Variants in CIP2A observed in about 807,000 individuals in gnomAD.
The protein encoded by CIP2A is cellular inhibitor of PP2A, also known as protein CIP2A.
Under a neutral mutation model 110.9 loss-of-function variants are expected in CIP2A, and 103 were observed. That is an observed-to-expected ratio of 0.93 (90% confidence interval 0.79 to 1.09). The LOEUF is 1.09. CIP2A is among the 50% of genes least tolerant of loss of function. CIP2A has a pLI of 0.00. For synonymous variants in CIP2A, 381 were observed against 361.6 expected (o/e 1.05, Z -0.61); for missense variants, 1,088 against 1,038.4 (o/e 1.05, Z -0.66).
intron 5 of CIP2A, among the ~76,000 whole-genome samples, chr3:108,581,092 T>A (rs927575283): frequency 6.6e-6 from 1 of 152,256 alleles, no homozygotes; most frequent in South Asian, 2.1e-4. Flanking sequence ...GCCAGTGATG[T>A]GCCTCCCTTC....
intron 7 of CIP2A, 109 bp from the exon 8 acceptor site, chr3:108,576,455 ATTTAT>A (rs981498694): frequency 1.7e-6 from 1 of 575,242 alleles, no homozygotes; most frequent in African/African-American, 2.0e-5. Context: ...TCTTTCATCT[ATTTAT>A]TTGGGCTTCT....
At chr3:108,574,363 G>GA (rs1489560676) in intron 8 of CIP2A, among the ~76,000 whole-genome samples, 10 of 152,298 alleles carry the variant, frequency 6.6e-5, no homozygotes, top group Non-Finnish European at 1.5e-4. Context: ...CTGCTGGCAA[G>GA]AATGCAGACT....
intron 4 of CIP2A, 129 bp from the exon 5 acceptor site, chr3:108,581,640 A>T (rs1262364549): frequency 3.3e-6 from 2 of 607,890 alleles, no homozygotes; most frequent in Non-Finnish European, 5.7e-6. Context: ...GCAAAAAAAA[A>T]AACTAATTAA....
intron 9 of CIP2A, 112 bp downstream of exon 9, chr3:108,569,277 G>C: frequency 1.3e-6 from 1 of 757,682 alleles, no homozygotes; most frequent in Non-Finnish European, 2.2e-6. Context: ...TAGTAATTGA[G>C]ATGTTTTCCT....
chr3:108,559,392 C>T (rs1937921497), intron 16 of CIP2A, among the ~76,000 whole-genome samples: 1 of 152,042 alleles, frequency 6.6e-6, no homozygotes, highest in Non-Finnish European at 1.5e-5. Flanking sequence ...GCAACATAGG[C>T]ACATAGTGCT....
chr3:108,582,253 C>G, intron 3 of CIP2A, 51 bp from the exon 4 acceptor site: 1 of 777,610 alleles, frequency 1.3e-6, no homozygotes, highest in Admixed American at 2.5e-5. Context: ...ACATTGCCTG[C>G]TTAAAATAAT....
At chr3:108,556,681 G>C (rs1315111340) in intron 17 of CIP2A, among the ~76,000 whole-genome samples, 1 of 152,070 alleles carries the variant, frequency 6.6e-6, no homozygotes, top group African/African-American at 2.4e-5. Flanking sequence ...TTATTCTACA[G>C]ATGTAATCAC....
chr3:108,572,310 G>A (rs1938428340), intron 8 of CIP2A, among the ~76,000 whole-genome samples: 2 of 151,880 alleles, frequency 1.3e-5, no homozygotes, highest in African/African-American at 2.4e-5. Flanking sequence ...TTTCTAAAAC[G>A]TTCCTTATTT....
At chr3:108,559,063 T>C (rs889263167) in intron 16 of CIP2A, among the ~76,000 whole-genome samples, 1 of 152,040 alleles carries the variant, frequency 6.6e-6, no homozygotes, top group Non-Finnish European at 1.5e-5. Flanking sequence ...CTGTAGAGTA[T>C]CTGAGAAGAG....
intron 8 of CIP2A, among the ~76,000 whole-genome samples, chr3:108,572,794 T>A (rs2688260): frequency 2.6e-5 from 4 of 152,046 alleles, no homozygotes; most frequent in African/African-American, 7.2e-5. Flanking sequence ...AATCTCTATA[T>A]CTTTTTAATT....
At chr3:108,581,628 ACGC>A in intron 4 of CIP2A, 117 bp from the exon 5 acceptor site, 2 of 621,588 alleles carry the variant, frequency 3.2e-6, no homozygotes, top group African/African-American at 1.8e-5. Flanking sequence ...TCCCTTTTAC[ACGC>A]AAAAAAAAAA....
chr3:108,558,411 T>C (rs1347207634), intron 16 of CIP2A, among the ~76,000 whole-genome samples: 1 of 152,136 alleles, frequency 6.6e-6, no homozygotes, highest in East Asian at 1.9e-4. Context: ...AGATTCCATT[T>C]GTATCTGCTG....
chr3:108,566,569 A>C lies in CIP2A; in HGVS notation c.1343T>G (p.Leu448Arg), dbSNP rs1938190653. 2 of 1,607,584 alleles carry C rather than the reference A, an allele frequency of 1.2e-6. No individual in the cohort carries two copies. Among genetic ancestry groups the C allele is most frequent in the Non-Finnish European group, 1.7e-6 (2 of 1,176,528 alleles). ...GCCATATGTAAATTGTTGTTCTATA[A>C]GAGTGGTACACTTGACAGTTGTCAA... is the stretch of plus-strand genomic sequence containing the variant. The part of the protein sequence containing the change: ...KILTTVKCTT[L>R]IEQQFTYGKI... Residue 448 changes from leucine (L) to arginine (R), a missense_variant, in exon 11 of 21, where the codon CTT (leucine) becomes CGT (arginine). Leu to Arg is a moderately radical substitution (Grantham distance 102, BLOSUM62 -2). Coordinates refer to ENST00000295746, the MANE Select transcript of CIP2A (RefSeq NM_020890.3).
chr3:108,558,293 C>T (rs1937881897), intron 16 of CIP2A, among the ~76,000 whole-genome samples: 1 of 151,996 alleles, frequency 6.6e-6, no homozygotes, highest in Non-Finnish European at 1.5e-5. Flanking sequence ...TACCATTATT[C>T]TGAAGAGACT....
intron 10 of CIP2A, 22 bp from the exon 11 acceptor site, chr3:108,566,660 C>A (rs1559694510): frequency 6.7e-7 from 1 of 1,501,506 alleles, no homozygotes; most frequent in Non-Finnish European, 9.0e-7. Context: ...TTAAGATATA[C>A]AACAAAAAAA....
intron 3 of CIP2A, among the ~76,000 whole-genome samples, chr3:108,582,495 T>C (rs543741718): frequency 1.5e-3 from 225 of 152,306 alleles, no homozygotes; most frequent in African/African-American, 5.1e-3. Context: ...TTCTTCACAT[T>C]TTATCACCTC....
intron 12 of CIP2A, among the ~76,000 whole-genome samples, chr3:108,564,121 A>T (rs570412405): frequency 1.3e-5 from 2 of 152,170 alleles, no homozygotes; most frequent in East Asian, 3.9e-4. Flanking sequence ...GTACTTGAGT[A>T]TAATCCAGTG....
intron 13 of CIP2A, among the ~76,000 whole-genome samples, 170 bp downstream of exon 13, chr3:108,562,956 G>C (rs1313065393): frequency 2.0e-5 from 3 of 152,116 alleles, no homozygotes; most frequent in African/African-American, 7.2e-5. Context: ...GTATACATCT[G>C]AACTTTTCAT....
Position 108,552,293 on chromosome 3 carries a change from C to T in CIP2A, c.2488G>A (p.Asp830Asn). 2 of 1,566,128 alleles carry T rather than the reference C, an allele frequency of 1.3e-6. No individual in the cohort carries two copies. Among genetic ancestry groups the T allele is most frequent in the African/African-American group, 2.8e-5 (2 of 72,592 alleles). ...KEREDKEETI[D>N]ILRKELSRTE... ...CTGCTTAATTCTTTTCTAAGGATAT[C>T]AATGGTTTCTTCCTTATCTTCCCTT... Residue 830 changes from aspartate to asparagine, a missense_variant, in exon 20 of 21, where the codon GAT becomes AAT. Transcript: ENST00000295746.
Sources: allele counts gnomAD v4.1 joint callset (sites outside exome capture counted in the v4.1 genomes callset), GRCh38; gene constraint gnomAD v4.1.1; transcripts MANE v1.5; gene names NCBI Gene and HGNC (gene_info 2026-07-23, HGNC 2026-07-21).